Variants in ANTXR2 observed in about 807,000 individuals in gnomAD.
ANTXR2 encodes the protein ANTXR cell adhesion molecule 2.
ANTXR2 carries 44 observed loss-of-function variants against 73.7 expected under a neutral mutation model. The ratio of observed to expected loss-of-function variants is 0.60; its 90% CI spans 0.47 to 0.77. The LOEUF (loss-of-function observed/expected upper bound fraction) is 0.77. ANTXR2 is among the 30% of genes least tolerant of loss of function. The pLI, the probability that ANTXR2 is intolerant of heterozygous loss-of-function variation, is 0.00. For missense variants in ANTXR2, 604 were observed against 592.5 expected, an observed-to-expected ratio of 1.02 and a Z score of -0.20; for synonymous variants, 217 against 205.9, an observed-to-expected ratio of 1.05 and a Z score of -0.46.
At chr4:80,022,224 T>G (rs776033860) in intron 10 of ANTXR2, among the ~76,000 whole-genome samples, 1 of 152,214 alleles carries the variant, frequency 6.6e-6, no homozygotes, top group Non-Finnish European at 1.5e-5. Context: ...ATATTTCTCA[T>G]GGTTAACTAG....
At chr4:80,001,521 T>C (rs891732189) in intron 12 of ANTXR2, among the ~76,000 whole-genome samples, 1 of 151,800 alleles carries the variant, frequency 6.6e-6, no homozygotes, top group Non-Finnish European at 1.5e-5. Context: ...AAAATGTATA[T>C]TCTGTTGATT....
intron 14 of ANTXR2, among the ~76,000 whole-genome samples, chr4:79,979,867 C>A (rs1181734544): frequency 6.6e-6 from 1 of 151,872 alleles, no homozygotes; most frequent in Non-Finnish European, 1.5e-5. Flanking sequence ...AAAAGATACA[C>A]AATTAAGTAA....
chr4:80,037,358 G>A (rs1733028362), intron 7 of ANTXR2, among the ~76,000 whole-genome samples: 1 of 152,136 alleles, frequency 6.6e-6, no homozygotes, highest in Non-Finnish European at 1.5e-5. Flanking sequence ...AATCAACTGT[G>A]TCAAATCATG....
intron 16 of ANTXR2, among the ~76,000 whole-genome samples, chr4:79,929,743 A>C (rs1217338912): frequency 6.6e-6 from 1 of 151,726 alleles, no homozygotes; most frequent in Non-Finnish European, 1.5e-5. Context: ...TATACAAAAA[A>C]AAGTAAAGCA....
At chr4:79,973,249 G>A (rs1432811661) in intron 16 of ANTXR2, among the ~76,000 whole-genome samples, 5 of 152,098 alleles carry the variant, frequency 3.3e-5, no homozygotes, top group African/African-American at 1.2e-4. Context: ...ATAATGTACA[G>A]AAAGCTATTT....
chr4:80,044,136 T>C (rs903410761), intron 7 of ANTXR2, among the ~76,000 whole-genome samples: 1 of 151,936 alleles, frequency 6.6e-6, no homozygotes, highest in African/African-American at 2.4e-5. Flanking sequence ...TTTACAACTA[T>C]TGAATAATAA....
At chr4:80,045,245 T>C (rs1338109489) in intron 7 of ANTXR2, among the ~76,000 whole-genome samples, 2 of 151,806 alleles carry the variant, frequency 1.3e-5, no homozygotes, top group African/African-American at 4.8e-5. Context: ...TTAACTCCCA[T>C]TAAATGGTTT....
Position 80,071,465 on chromosome 4 carries a change from G to C in ANTXR2, c.224+118C>G. 2.0e-5 allele frequency: 16 copies of C among 807,778 alleles called. No homozygotes were observed. The South Asian group carries it at 2.4e-4, about 12-fold the overall frequency. The allele number at this position is 807,778 out of a possible 1,614,324, so 50.0% of individuals were successfully genotyped here. A position where few individuals can be genotyped will look rare whatever the true frequency, so the allele number is the denominator to read the frequency against. ...AACAGCATGTGTGCAATACGACCTT[G>C]AGGCACTTAAAAGTAACATTTCAGG... is the stretch of plus-strand genomic sequence containing the variant. On this transcript the variant is annotated intron_variant, in intron 2 of 16. Transcript: ENST00000403729.
At chr4:79,997,851 G>A (rs1037241881) in intron 12 of ANTXR2, among the ~76,000 whole-genome samples, 6 of 151,884 alleles carry the variant, frequency 4.0e-5, no homozygotes, top group South Asian at 2.1e-4. Context: ...ATACTGTCTC[G>A]TAAAAGATGC....
chr4:79,921,798 G>A lies in ANTXR2; in HGVS notation c.1429-14331C>T, dbSNP rs961244494. On this transcript the variant is annotated intron_variant, in intron 16 of 16. Coordinates refer to ENST00000403729, the MANE Select transcript of ANTXR2 (RefSeq NM_058172.6). Reference sequence around the variant, plus strand: ...TTTTTCACCACAGCAAGTGTTTAGTGAACACATTGCACATATTTAGTTCTA... The same window carrying A: ...TTTTTCACCACAGCAAGTGTTTAGTAAACACATTGCACATATTTAGTTCTA... Among the ~76,000 whole-genome samples, 6 of 152,000 alleles carry A rather than the reference G, an allele frequency of 3.9e-5. No homozygotes were observed. The South Asian group carries it at 1.0e-3, about 26-fold the overall frequency.
intron 9 of ANTXR2, 66 bp downstream of exon 9, chr4:80,033,406 A>G: frequency 7.8e-7 from 1 of 1,279,282 alleles, no homozygotes; most frequent in Non-Finnish European, 1.1e-6. Flanking sequence ...GGAGAAAAAA[A>G]GAAAACATTT....
chr4:80,052,270 T>C (rs1179892579), intron 7 of ANTXR2, among the ~76,000 whole-genome samples: 2 of 151,782 alleles, frequency 1.3e-5, no homozygotes, highest in African/African-American at 2.4e-5. Flanking sequence ...AAAGATCTAA[T>C]AGATATTTTT....
At chr4:79,918,478 T>C (rs1727441958) in intron 16 of ANTXR2, among the ~76,000 whole-genome samples, 1 of 149,856 alleles carries the variant, frequency 6.7e-6, no homozygotes, top group Non-Finnish European at 1.5e-5. Context: ...CAATGAGATA[T>C]AAAGAGGGAA....
rs146656593 is a variant in ANTXR2, at chr4:79,985,525, G to A, written c.1042-662C>T. On this transcript the variant is annotated intron_variant, in intron 12 of 16. Transcript: ENST00000403729. ...CACCCCAAGACCATCAAGCTGTGAG[G>A]AAACCCAAACTAACCTAGGCTGGGT... is the stretch of plus-strand genomic sequence containing the variant. Among the ~76,000 whole-genome samples, 20 of 152,186 alleles carry A rather than the reference G, an allele frequency of 1.3e-4. No individual in the cohort carries two copies. The East Asian group carries it at 3.7e-3, about 28-fold the overall frequency.
intron 16 of ANTXR2, among the ~76,000 whole-genome samples, chr4:79,926,002 A>G (rs559582766): frequency 7.1e-4 from 108 of 152,228 alleles, no homozygotes; most frequent in Non-Finnish European, 1.1e-3. Flanking sequence ...CAATGAGTGT[A>G]TCCTTAAACA....
intron 16 of ANTXR2, among the ~76,000 whole-genome samples, chr4:79,922,157 T>A (rs562205884): frequency 6.6e-6 from 1 of 152,190 alleles, no homozygotes; most frequent in South Asian, 2.1e-4. Context: ...TGAAATTCTA[T>A]AGGCTAAAAT....
intron 12 of ANTXR2, among the ~76,000 whole-genome samples, chr4:80,004,828 C>T (rs1342926258): frequency 6.6e-6 from 1 of 152,000 alleles, no homozygotes; most frequent in Admixed American, 6.6e-5. Context: ...TTTCAAACTG[C>T]ATGACCTCTG....
At chr4:80,052,989 C>T (rs1733837750) in intron 7 of ANTXR2, among the ~76,000 whole-genome samples, 1 of 151,302 alleles carries the variant, frequency 6.6e-6, no homozygotes, top group Non-Finnish European at 1.5e-5. Context: ...TAAAAAAATC[C>T]AAAGGAATAG....
intron 16 of ANTXR2, among the ~76,000 whole-genome samples, chr4:79,935,070 G>T (rs1429176908): frequency 6.6e-6 from 1 of 151,318 alleles, no homozygotes; most frequent in African/African-American, 2.4e-5. Context: ...TTGTGCCCAT[G>T]TACCCTAAAA....
Sources: allele counts gnomAD v4.1 joint callset (sites outside exome capture counted in the v4.1 genomes callset), GRCh38; gene constraint gnomAD v4.1.1; transcripts MANE v1.5; gene names NCBI Gene and HGNC (gene_info 2026-07-23, HGNC 2026-07-21).